The following GRXCR2 variants were observed in gnomAD, a reference collection of about 807,000 sequenced individuals.
GRXCR2 encodes the protein glutaredoxin and cysteine rich domain containing 2, also known as glutaredoxin domain-containing cysteine-rich protein 2.
Under a neutral mutation model 24.8 loss-of-function variants are expected in GRXCR2, and 23 were observed. The ratio of observed to expected loss-of-function variants is 0.93; its 90% CI spans 0.67 to 1.32. The LOEUF is 1.32. Ranked by LOEUF, GRXCR2 falls within the 40% of genes most tolerant of loss-of-function variation. GRXCR2 has a pLI of 0.00. For missense variants in GRXCR2, 315 were observed against 303.4 expected, an observed-to-expected ratio of 1.04 and a Z score of -0.28; for synonymous variants, 130 against 116.1, an observed-to-expected ratio of 1.12 and a Z score of -0.77.
rs1442783543 is a variant in GRXCR2, at chr5:145,900,166, G to C, written c.-69-33438C>G. Among the ~76,000 whole-genome samples the C allele has an allele frequency of 2.0e-5, 3 of 152,112 alleles. No individual in the cohort carries two copies. The South Asian group carries it at 6.2e-4, about 32-fold the overall frequency. On this transcript the variant is annotated intron_variant, in intron 2 of 3. Transcript: ENST00000639411. Reference sequence around the variant, plus strand: ...ATTGTAATCCCCAATGTTGGAGGAGGGGGTCTGGTGGGAGGTGATTGGATC... The same window carrying C: ...ATTGTAATCCCCAATGTTGGAGGAGCGGGTCTGGTGGGAGGTGATTGGATC...
intron 1 of GRXCR2, among the ~76,000 whole-genome samples, chr5:145,867,221 T>G (rs1265536176): frequency 6.6e-6 from 1 of 152,176 alleles, no homozygotes; most frequent in African/African-American, 2.4e-5. Flanking sequence ...CAAACATCCC[T>G]ATGAGGCAGA....
upstream of GRXCR2, among the ~76,000 whole-genome samples, chr5:145,874,353 G>A (rs1414106039): frequency 2.6e-5 from 4 of 151,858 alleles, no homozygotes; most frequent in African/African-American, 4.8e-5. Flanking sequence ...ACAGGCACAC[G>A]CCACCATGCC....
chr5:145,873,099 G>T, upstream of GRXCR2: 1 of 696,246 alleles, frequency 1.4e-6, no homozygotes, highest in African/African-American at 1.8e-5. Flanking sequence ...GGTATGGTCA[G>T]TTTACAGCAA....
chr5:145,891,092 C>T (rs1325469285), intron 2 of GRXCR2, among the ~76,000 whole-genome samples: 1 of 152,136 alleles, frequency 6.6e-6, no homozygotes, highest in African/African-American at 2.4e-5. Flanking sequence ...ACACACCCAA[C>T]ATTAGAGCAC....
At chr5:145,929,863 G>T (rs891620314) in intron 2 of GRXCR2, among the ~76,000 whole-genome samples, 1 of 152,000 alleles carries the variant, frequency 6.6e-6, no homozygotes, top group Admixed American at 6.6e-5. Context: ...GCACAGAAAT[G>T]GGGAGATTTC....
chr5:145,870,619 T>G (rs1458267282), intron 1 of GRXCR2, among the ~76,000 whole-genome samples: 2 of 152,234 alleles, frequency 1.3e-5, no homozygotes, highest in Non-Finnish European at 2.9e-5. Context: ...TGTGGTCTCA[T>G]AGCCAATATT....
At chr5:145,929,425 A>G (rs147989640) in intron 2 of GRXCR2, among the ~76,000 whole-genome samples, 2 of 151,824 alleles carry the variant, frequency 1.3e-5, no homozygotes, top group African/African-American at 4.8e-5. Flanking sequence ...TTTACTTTTC[A>G]TTTTGAAATA....
At chr5:145,925,229 G>C (rs1342462913) in intron 2 of GRXCR2, among the ~76,000 whole-genome samples, 2 of 152,190 alleles carry the variant, frequency 1.3e-5, no homozygotes, top group Non-Finnish European at 2.9e-5. Context: ...TCTGACTCCA[G>C]AGTGTATGTT....
intron 2 of GRXCR2, among the ~76,000 whole-genome samples, chr5:145,864,083 G>A (rs1021341756): frequency 6.6e-6 from 1 of 152,142 alleles, no homozygotes; most frequent in African/African-American, 2.4e-5. Context: ...AGGGGTGTAA[G>A]GTGCCCTGAC....
chr5:145,905,142 A>C (rs577696029), intron 2 of GRXCR2, among the ~76,000 whole-genome samples: 7 of 152,326 alleles, frequency 4.6e-5, no homozygotes, highest in Non-Finnish European at 1.0e-4. Context: ...CCAATAAATT[A>C]CTTTTTGTAC....
At chr5:145,928,526 G>A (rs1230207216) in intron 2 of GRXCR2, among the ~76,000 whole-genome samples, 1 of 152,078 alleles carries the variant, frequency 6.6e-6, no homozygotes, top group Admixed American at 6.6e-5. Context: ...ATGATAGACT[G>A]GATTAAGAAA....
intron 2 of GRXCR2, among the ~76,000 whole-genome samples, chr5:145,917,708 A>T (rs746243728): frequency 2.6e-5 from 4 of 152,132 alleles, no homozygotes; most frequent in African/African-American, 7.2e-5. Context: ...TAGCCTCAAG[A>T]GTAGGTGGTG....
At chr5:145,927,096 T>A (rs1328041292) in intron 2 of GRXCR2, among the ~76,000 whole-genome samples, 1 of 152,242 alleles carries the variant, frequency 6.6e-6, no homozygotes, top group Non-Finnish European at 1.5e-5. Flanking sequence ...AAGACTTTGC[T>A]GAAGTTGCCT....
chr5:145,890,827 A>G (rs998970072), intron 2 of GRXCR2, among the ~76,000 whole-genome samples: 15 of 151,970 alleles, frequency 9.9e-5, no homozygotes, highest in Admixed American at 9.8e-4. Context: ...ACAGAAGGGC[A>G]AGTTGAATTA....
At chr5:145,921,195 A>C (rs1461313164) in intron 2 of GRXCR2, among the ~76,000 whole-genome samples, 1 of 152,246 alleles carries the variant, frequency 6.6e-6, no homozygotes, top group East Asian at 1.9e-4. Flanking sequence ...AACACTCAGT[A>C]AGTTGCAGGG....
chr5:145,869,454 A>C (rs763075491), intron 1 of GRXCR2, among the ~76,000 whole-genome samples: 17 of 152,074 alleles, frequency 1.1e-4, no homozygotes, highest in Non-Finnish European at 1.8e-4. Context: ...AAGACTCAAC[A>C]TTTCTTTGAT....
intron 2 of GRXCR2, among the ~76,000 whole-genome samples, chr5:145,924,489 T>C (rs1285081430): frequency 6.6e-6 from 1 of 152,200 alleles, no homozygotes; most frequent in African/African-American, 2.4e-5. Context: ...TAACCTGATG[T>C]TACTCTGAGA....
chr5:145,861,405 G>A (rs1009230115), intron 2 of GRXCR2, among the ~76,000 whole-genome samples: 12 of 152,024 alleles, frequency 7.9e-5, no homozygotes, highest in African/African-American at 2.9e-4. Flanking sequence ...TCTGTACTTG[G>A]TCTCCAGGGA....
chr5:145,865,976 A>G (rs2149909538), intron 2 of GRXCR2, among the ~76,000 whole-genome samples: 1 of 85,664 alleles, frequency 1.2e-5, no homozygotes, highest in East Asian at 4.1e-4. Context: ...CATCTCTATT[A>G]AAAATAAAAA....
Sources: allele counts gnomAD v4.1 joint callset (sites outside exome capture counted in the v4.1 genomes callset), GRCh38; gene constraint gnomAD v4.1.1; transcripts MANE v1.5; gene names NCBI Gene and HGNC (gene_info 2026-07-23, HGNC 2026-07-21).